The following LNPK variants were observed in gnomAD, a reference collection of about 807,000 sequenced individuals.
The protein encoded by LNPK is endoplasmic reticulum junction formation protein lunapark.
A neutral mutation model predicts 55.2 loss-of-function variants in LNPK; 29 were observed. The ratio of observed to expected loss-of-function variants is 0.53; its 90% CI spans 0.39 to 0.72. The LOEUF is 0.72. Among genes scored for constraint, LNPK ranks in the 30% least tolerant of loss-of-function variants. LNPK has a pLI of 0.00. For synonymous variants in LNPK, 162 were observed against 168.2 expected (o/e 0.96, Z 0.29); for missense variants, 467 against 494.8 (o/e 0.94, Z 0.53).
intron 4 of LNPK, among the ~76,000 whole-genome samples, chr2:175,988,556 C>A (rs531895113): frequency 1.4e-5 from 2 of 144,094 alleles, no homozygotes; most frequent in African/African-American, 5.1e-5. Context: ...AATTTATATA[C>A]AGGTCTTAAT....
chr2:175,995,081 C>T (rs953090735), intron 2 of LNPK, among the ~76,000 whole-genome samples: 4 of 151,874 alleles, frequency 2.6e-5, no homozygotes, highest in African/African-American at 7.3e-5. Context: ...AACACTACGC[C>T]CAGCTAATTT....
At chr2:175,937,690 C>T (rs915598976) in intron 11 of LNPK, 176 bp from the exon 12 acceptor site, 1 of 450,836 alleles carries the variant, frequency 2.2e-6, no homozygotes, top group Non-Finnish European at 3.9e-6. Context: ...AAGCATACTT[C>T]CTAATTATTA....
At chr2:175,983,024 G>A (rs1687246408) in intron 4 of LNPK, among the ~76,000 whole-genome samples, 1 of 152,126 alleles carries the variant, frequency 6.6e-6, no homozygotes, top group African/African-American at 2.4e-5. Flanking sequence ...ACTCTCAAAA[G>A]CAATGGAGAT....
At chr2:175,969,037 A>C (rs770819919) in intron 6 of LNPK, among the ~76,000 whole-genome samples, 7 of 152,252 alleles carry the variant, frequency 4.6e-5, no homozygotes, top group Non-Finnish European at 7.4e-5. Flanking sequence ...AAAAAAAAAA[A>C]ACCAAAGTGT....
intron 5 of LNPK, among the ~76,000 whole-genome samples, chr2:175,972,626 T>A (rs556922608): frequency 6.6e-6 from 1 of 152,200 alleles, no homozygotes; most frequent in African/African-American, 2.4e-5. Flanking sequence ...TTCTCTATCA[T>A]CAAAACTGAT....
chr2:176,001,388 A>G (rs548264665), intron 1 of LNPK, among the ~76,000 whole-genome samples: 13 of 152,312 alleles, frequency 8.5e-5, no homozygotes, highest in African/African-American at 2.6e-4. Context: ...AAACTCAGTG[A>G]TTCACGGGTC....
rs1684057381 is a variant in LNPK, at chr2:175,927,353, T to C, written c.*2614A>G. ...GACCCTTGCACAAACGGACATTATG[T>C]TGTGAAGACAGTAAACTAGCAAACA... On this transcript the variant is annotated 3_prime_UTR_variant, in exon 13 of 13. Coordinates refer to ENST00000272748, the MANE Select transcript of LNPK (RefSeq NM_030650.3). 1 of 152,220 alleles carries C rather than the reference T, an allele frequency of 6.6e-6. No homozygotes were observed. Among genetic ancestry groups the C allele is most frequent in the Admixed American group, 6.5e-5 (1 of 15,286 alleles). The allele number at this position is 152,220 out of a possible 1,614,324, so 9.4% of individuals were successfully genotyped here.
At chr2:175,976,265 C>G (rs139684188) in intron 5 of LNPK, among the ~76,000 whole-genome samples, 15 of 152,178 alleles carry the variant, frequency 9.9e-5, no homozygotes, top group African/African-American at 2.9e-4. Flanking sequence ...AGTGAAGAAG[C>G]AATTGTGCAA....
At chr2:175,994,859 T>G (rs1559077257) in intron 2 of LNPK, among the ~76,000 whole-genome samples, 1 of 152,134 alleles carries the variant, frequency 6.6e-6, no homozygotes, top group African/African-American at 2.4e-5. Flanking sequence ...AGTCAATATT[T>G]ATGATAAGCT....
At chr2:175,947,010 TA>T (rs950784432) in intron 9 of LNPK, among the ~76,000 whole-genome samples, 2,857 of 145,688 alleles carry the variant, frequency 0.02, 77 homozygotes, top group African/African-American at 0.063. Flanking sequence ...TTCTATGCCT[TA>T]AAAAAAAAAA....
chr2:175,959,886 C>T (rs1033867859), intron 8 of LNPK, among the ~76,000 whole-genome samples: 2 of 142,490 alleles, frequency 1.4e-5, no homozygotes, highest in African/African-American at 5.2e-5. Context: ...AAATGGAAAA[C>T]AAAAAAAAAA....
intron 4 of LNPK, among the ~76,000 whole-genome samples, chr2:175,991,138 G>A (rs901977084): frequency 2.6e-5 from 4 of 152,096 alleles, no homozygotes; most frequent in African/African-American, 9.6e-5. Context: ...AGTCTTTTAT[G>A]ATCAAAAAAT....
At chr2:175,950,422 AATAAAAG>A (rs1382591254) in intron 8 of LNPK, among the ~76,000 whole-genome samples, 2 of 152,088 alleles carry the variant, frequency 1.3e-5, no homozygotes, top group Non-Finnish European at 2.9e-5. Context: ...TCTCAACATA[AATAAAAG>A]ATAAATGTTT....
chr2:175,962,805 T>C (rs1013128630), intron 8 of LNPK, among the ~76,000 whole-genome samples: 4 of 151,950 alleles, frequency 2.6e-5, no homozygotes, highest in African/African-American at 7.3e-5. Context: ...AATCTACCCA[T>C]CTGACAAAGG....
At chr2:175,933,879 A>C (rs112689730) in intron 12 of LNPK, among the ~76,000 whole-genome samples, 10,715 of 151,968 alleles carry the variant, frequency 0.071, 525 homozygotes, top group Middle Eastern at 0.19. Context: ...CTACAGGTGC[A>C]CGCCACCACA....
At chr2:175,985,024 A>G (rs1687340051) in intron 4 of LNPK, among the ~76,000 whole-genome samples, 1 of 152,256 alleles carries the variant, frequency 6.6e-6, no homozygotes, top group Non-Finnish European at 1.5e-5. Flanking sequence ...GCTCAGAGAA[A>G]GAAAGGAATT....
rs142568461 is a variant in LNPK at position 175,948,421 on chromosome 2, G to A, written c.494-729C>T. On this transcript the variant is annotated intron_variant, in intron 8 of 12. Coordinates refer to ENST00000272748, the MANE Select transcript of LNPK (RefSeq NM_030650.3). ...GTTCTTTTGTTTACAGATTGTCTAT[G>A]GCTGCTTTAGAAGAGTAGAGTAGTT... is the stretch of plus-strand genomic sequence containing the variant. Among the ~76,000 whole-genome samples the A allele has an allele frequency of 2.0e-5, 3 of 152,296 alleles. No individual in the cohort carries two copies. The East Asian group carries it at 5.8e-4, about 29-fold the overall frequency.
At chr2:175,956,413 T>G (rs1366977804) in intron 8 of LNPK, among the ~76,000 whole-genome samples, 2 of 152,080 alleles carry the variant, frequency 1.3e-5, no homozygotes, top group Non-Finnish European at 2.9e-5. Context: ...TGATCACTTC[T>G]CAGGTTTAAG....
chr2:175,940,582 C>A (rs968601880), intron 9 of LNPK, among the ~76,000 whole-genome samples: 2 of 151,976 alleles, frequency 1.3e-5, no homozygotes, highest in Non-Finnish European at 2.9e-5. Flanking sequence ...ATTTTTAAAA[C>A]CCAGTATTGA....
Sources: gnomAD v4.1 joint callset for allele counts (sites outside exome capture counted in the v4.1 genomes callset) on GRCh38, gnomAD v4.1.1 for gene constraint, MANE v1.5 for transcripts, NCBI Gene and HGNC (gene_info 2026-07-23, HGNC 2026-07-21) for gene names.